CETP: variants seen among roughly 807,000 people sequenced by gnomAD.
CETP encodes the protein BPI fold containing family F.
In CETP, 56 loss-of-function variants were observed where a neutral mutation model predicts 66.5. That is an observed-to-expected ratio of 0.84 (90% CI 0.68 to 1.05). The LOEUF (loss-of-function observed/expected upper bound fraction) is 1.05. Ranked by LOEUF, CETP falls within the 50% of genes least tolerant of loss-of-function variation. The probability of loss-of-function intolerance (pLI) is 0.00; values close to 1 mark genes in which losing one functional copy is unlikely to be tolerated. For missense variants in CETP, 612 were observed against 609.6 expected (o/e 1.00, Z -0.04); for synonymous variants, 251 against 245.7 (o/e 1.02, Z -0.20).
At chr16:56,983,263 C>T in intron 14 of CETP, 63 bp from the exon 15 acceptor site, 1 of 1,386,300 alleles carries the variant, frequency 7.2e-7, no homozygotes, top group Non-Finnish European at 1.0e-6. Flanking sequence ...CCCAGGGTGG[C>T]AGAGCCTCGG....
chr16:56,980,908 T>C (rs111754336), intron 11 of CETP, among the ~76,000 whole-genome samples: 2,868 of 151,950 alleles, frequency 0.019, 99 homozygotes, highest in African/African-American at 0.065. Context: ...GGCAACAGAG[T>C]GAGACTGTCT....
chr16:56,975,217 GC>G, intron 10 of CETP, 66 bp downstream of exon 10: 1 of 1,404,842 alleles, frequency 7.1e-7, no homozygotes, highest in Non-Finnish European at 1.0e-6. Context: ...GGCTTCAAGA[GC>G]CCCCACACAG....
At chr16:56,977,792 C>A (rs1192705256) in intron 10 of CETP, among the ~76,000 whole-genome samples, 2 of 151,904 alleles carry the variant, frequency 1.3e-5, no homozygotes, top group African/African-American at 4.8e-5. Context: ...TATGATTATC[C>A]CCATTTTACA....
intron 2 of CETP, among the ~76,000 whole-genome samples, chr16:56,967,856 A>G (rs1336921657): frequency 6.6e-6 from 1 of 151,946 alleles, no homozygotes; most frequent in Non-Finnish European, 1.5e-5. Context: ...GGTCCCAGCT[A>G]TTCCAGAGGC....
chr16:56,962,159 G>A (rs2056028249), intron 1 of CETP, 62 bp downstream of exon 1: 10 of 1,420,320 alleles, frequency 7.0e-6, no homozygotes, highest in South Asian at 1.2e-5. Context: ...CACTATGCCA[G>A]GAGCCTCCCT....
At chr16:56,969,017 A>T (rs1404165557) in intron 2 of CETP, among the ~76,000 whole-genome samples, 1 of 151,768 alleles carries the variant, frequency 6.6e-6, no homozygotes, top group Non-Finnish European at 1.5e-5. Context: ...CTCCATCTTC[A>T]GCACACCAGG....
At chr16:56,965,329 G>A (rs1401311680) in intron 2 of CETP, among the ~76,000 whole-genome samples, 2 of 152,224 alleles carry the variant, frequency 1.3e-5, no homozygotes, top group African/African-American at 2.4e-5. Flanking sequence ...CATGATTAAT[G>A]TTAGATGAAG....
chr16:56,973,412 C>T lies in CETP; in HGVS notation c.832C>T (p.Leu278=), dbSNP rs749397888. The T allele has an allele frequency of 6.2e-7, 1 of 1,614,206 alleles. No individual in the cohort carries two copies. The highest frequency in any genetic ancestry group is 1.1e-5 in the South Asian group (1 of 91,088). The change falls in exon 9 of 16, where the codon CTG becomes TTG. Residue 278 remains leucine, a synonymous_variant. Transcript: ENST00000200676. ...SPTLLGDSRM[L]YFWFSERVFH... is the part of the protein sequence containing the mutation. Reference sequence around the variant, plus strand: ...CACACTGCTGGGGGACTCCCGCATGCTGTACTTCTGGTTCTCTGAGCGAGT... The same window carrying T: ...CACACTGCTGGGGGACTCCCGCATGTTGTACTTCTGGTTCTCTGAGCGAGT...
chr16:56,970,711 G>C (rs1363457508), intron 5 of CETP, among the ~76,000 whole-genome samples: 1 of 152,196 alleles, frequency 6.6e-6, no homozygotes, highest in African/African-American at 2.4e-5. Flanking sequence ...GTCTGGAGAG[G>C]AGCCCTCTAT....
At position 56,983,610 on chromosome 16, in the gene CETP, A is replaced by G. The variant is rs761190163; in HGVS notation, c.1426A>G (p.Met476Val). The G allele has an allele frequency of 9.9e-6, 16 of 1,613,980 alleles. No homozygotes were observed. The highest frequency in any genetic ancestry group is 1.3e-5 in the African/African-American group (1 of 74,892). The change falls in exon 16 of 16, where the codon ATG becomes GTG. Residue 476 changes from methionine to valine, a missense_variant. Coordinates refer to ENST00000200676, the MANE Select transcript of CETP (RefSeq NM_000078.3). ...ITRDGFLLLQMDFGFPEHLLV... is the reference protein window; with the variant it reads ...ITRDGFLLLQVDFGFPEHLLV... ...CCTTCAGGGCTTCCTGCTGCTGCAG[A>G]TGGACTTTGGCTTCCCTGAGCACCT...
chr16:56,980,398 C>T (rs1284793351), intron 11 of CETP, among the ~76,000 whole-genome samples: 1 of 152,162 alleles, frequency 6.6e-6, no homozygotes, highest in African/African-American at 2.4e-5. Flanking sequence ...TCTCAAATCC[C>T]TGGGCTCAAG....
At chr16:56,967,993 A>T (rs1324599916) in intron 2 of CETP, among the ~76,000 whole-genome samples, 2 of 151,676 alleles carry the variant, frequency 1.3e-5, no homozygotes, top group African/African-American at 4.8e-5. Context: ...AAAAAAAAGA[A>T]GAAGAAGAAT....
rs114948973 is a variant in CETP, at chr16:56,981,507, G to A, written c.1215-140G>A. 4,234 of 1,076,858 alleles carry A rather than the reference G, an allele frequency of 3.9e-3. 77 individuals are homozygous for A. Among genetic ancestry groups the A allele is most frequent in the South Asian group, 0.03 (2,383 of 78,324 alleles). 66.7% of individuals were successfully genotyped at this position (1,076,858 alleles called of 1,614,324 possible). On this transcript the variant is annotated intron_variant, in intron 12 of 15. Transcript: ENST00000200676. ...CAGAATAGCAAATCTCAAGGGAATA[G>A]CAAATCTCAAGAGAGTGCCCCAAAG...
rs1429342354 is a variant in CETP at position 56,971,314 on chromosome 16, G to A, written c.598-7G>A. 6.2e-7 allele frequency: 1 copy of A among 1,613,864 alleles called. No individual in the cohort carries two copies. Among genetic ancestry groups the A allele is most frequent in the South Asian group, 1.1e-5 (1 of 91,090 alleles). ...TGCCTGGAAAGCACCTGCTCTGTCT[G>A]CCCCAGATCTGCAAAGAGATCAACG... On this transcript the variant is annotated splice_polypyrimidine_tract_variant and splice_region_variant and intron_variant, in intron 6 of 15. Coordinates refer to ENST00000200676, the MANE Select transcript of CETP (RefSeq NM_000078.3).
In CETP at chr16:56,983,836, G is replaced by C; in HGVS notation, c.*170G>C. ...AAAGGCCCACTGGCATTAAAGTGCT[G>C]TATCCAAGAGCTGCGGAGTCCTTCT... On this transcript the variant is annotated 3_prime_UTR_variant, in exon 16 of 16. Coordinates refer to ENST00000200676, the MANE Select transcript of CETP (RefSeq NM_000078.3). 1 of 696,474 alleles carries C rather than the reference G, an allele frequency of 1.4e-6. No homozygotes were observed. Among genetic ancestry groups the C allele is most frequent in the Non-Finnish European group, 2.6e-6 (1 of 384,444 alleles). 43.1% of individuals were successfully genotyped at this position (696,474 alleles called of 1,614,324 possible). A position where few individuals can be genotyped will look rare whatever the true frequency, so the allele number is the denominator to read the frequency against.
intron 8 of CETP, among the ~76,000 whole-genome samples, 180 bp downstream of exon 8, chr16:56,972,263 C>T (rs920854459): frequency 7.2e-5 from 11 of 152,200 alleles, no homozygotes; most frequent in South Asian, 2.1e-4. Flanking sequence ...CAGGCCACAG[C>T]GACGTGCCCC....
At position 56,972,235 on chromosome 16, in the gene CETP, C is replaced by T. The variant is rs148654654; in HGVS notation, c.750+152C>T. 2,581 of 664,522 alleles carry T rather than the reference C, an allele frequency of 3.9e-3. 9 individuals carry two copies. Among genetic ancestry groups the T allele is most frequent in the Non-Finnish European group, 6.3e-3 (2,354 of 374,142 alleles). 41.2% of individuals were successfully genotyped at this position (664,522 alleles called of 1,614,324 possible). On this transcript the variant is annotated intron_variant, in intron 8 of 15. Transcript: ENST00000200676. ...TCATTCCTGATGCTCCTCCGCATTC[C>T]TGATGCTGCGAGGAGGGCAGGCCAC...
At position 56,963,074 on chromosome 16, in the gene CETP, G is replaced by C. The variant is rs746717309; in HGVS notation, c.183G>C (p.Thr61=). 1.2e-6 allele frequency: 2 copies of C among 1,614,034 alleles called. No individual in the cohort carries two copies. Among genetic ancestry groups the C allele is most frequent in the Non-Finnish European group, 1.7e-6 (2 of 1,180,006 alleles). ...AGCGAGCCAGCTACCCAGATATCACGGGCGAGAAGGCCATGATGCTCCTTG... is the reference window on the plus strand; with the variant it reads ...AGCGAGCCAGCTACCCAGATATCACCGGCGAGAAGGCCATGATGCTCCTTG... ...AFQRASYPDI[T]GEKAMMLLGQ... is the part of the protein sequence containing the mutation. The change falls in exon 2 of 16, where the codon ACG becomes ACC. Residue 61 remains threonine, a synonymous_variant. Transcript: ENST00000200676.
chr16:56,973,549 G>A, intron 9 of CETP, 39 bp downstream of exon 9: 1 of 1,610,416 alleles, frequency 6.2e-7, no homozygotes, highest in Non-Finnish European at 8.5e-7. Context: ...GATCCAGATG[G>A]CATGTGGTAT....
Sources: gnomAD v4.1 joint callset for allele counts (sites outside exome capture counted in the v4.1 genomes callset) on GRCh38, gnomAD v4.1.1 for gene constraint, MANE v1.5 for transcripts, NCBI Gene and HGNC (gene_info 2026-07-23, HGNC 2026-07-21) for gene names.